Variants in LACC1 observed in about 807,000 individuals in gnomAD.
LACC1 encodes purine nucleoside phosphorylase LACC1.
In LACC1, 25 loss-of-function variants were observed where a neutral mutation model predicts 34.8. That is an observed-to-expected ratio of 0.72 (90% CI 0.52 to 1.00). The LOEUF (loss-of-function observed/expected upper bound fraction) is 1.00, where lower values mean the gene tolerates loss of function less well. LACC1 is among the 50% of genes least tolerant of loss of function. LACC1 has a pLI of 0.00. For synonymous variants in LACC1, 162 were observed against 168.0 expected (o/e 0.96, Z 0.28); for missense variants, 426 against 511.2 (o/e 0.83, Z 1.61).
intron 4 of LACC1, among the ~76,000 whole-genome samples, chr13:43,886,814 A>G (rs1404374026): frequency 1.3e-5 from 2 of 152,182 alleles, no homozygotes; most frequent in Non-Finnish European, 1.5e-5. Flanking sequence ...ATTGTATACT[A>G]CTTTTATCAG....
Position 43,890,262 on chromosome 13 carries a change from A to C in LACC1, c.1282A>C (p.Ile428Leu). ...TGGTACACAGATTGGCTTCATATCA[A>C]TTAAAGAATGAGGTACAGTAGGTTT... ...NFGTQIGFIS[I>L]KE Residue 428 changes from isoleucine (I) to leucine (L), a missense_variant, in exon 6 of 7, where the codon ATT becomes CTT. Physicochemically the swap from Ile to Leu is conservative, Grantham distance 5. Transcript: ENST00000325686. 2 of 1,613,194 alleles carry C rather than the reference A, an allele frequency of 1.2e-6. No individual in the cohort carries two copies. Among genetic ancestry groups the C allele is most frequent in the Non-Finnish European group, 1.7e-6 (2 of 1,179,634 alleles).
intron 2 of LACC1, among the ~76,000 whole-genome samples, 155 bp downstream of exon 2, chr13:43,881,702 G>T (rs1441695885): frequency 6.6e-6 from 1 of 152,064 alleles, no homozygotes; most frequent in South Asian, 2.1e-4. Context: ...GTCATGTTTG[G>T]CCCTGTAGTA....
chr13:43,884,667 C>T (rs73174269), intron 4 of LACC1, among the ~76,000 whole-genome samples: 8,587 of 151,758 alleles, frequency 0.057, 339 homozygotes, highest in Non-Finnish European at 0.087. Context: ...TTTAGATTAC[C>T]CCATAGCTGT....
chr13:43,882,097 G>A, intron 2 of LACC1, 88 bp from the exon 3 acceptor site: 2 of 935,910 alleles, frequency 2.1e-6, no homozygotes, highest in African/African-American at 1.6e-5. Flanking sequence ...AAATAACAAG[G>A]GCAGGTAGCA....
rs375629505 is a variant in LACC1, at chr13:43,888,607, C to T, written c.908-150C>T. On this transcript the variant is annotated intron_variant, in intron 4 of 6. Transcript: ENST00000325686. Reference sequence around the variant, plus strand: ...GTCAGGTGCTTTGTGTAGTATGGCTCATTTAAAAACCACATGATAATGTAA... The same window carrying T: ...GTCAGGTGCTTTGTGTAGTATGGCTTATTTAAAAACCACATGATAATGTAA... 1.4e-5 allele frequency: 9 copies of T among 642,270 alleles called. No individual in the cohort carries two copies. In the African/African-American group the frequency reaches 1.6e-4, roughly 12 times the overall value. 39.8% of individuals were successfully genotyped at this position (642,270 alleles called of 1,614,324 possible).
intron 5 of LACC1, 41 bp downstream of exon 5, chr13:43,889,023 G>C: frequency 1.3e-6 from 2 of 1,482,056 alleles, no homozygotes; most frequent in Non-Finnish European, 1.9e-6. Flanking sequence ...GATTATTTCT[G>C]ATTGTTCTAA....
intron 3 of LACC1, among the ~76,000 whole-genome samples, chr13:43,882,660 A>C (rs567147870): frequency 1.3e-5 from 2 of 151,354 alleles, no homozygotes; most frequent in Non-Finnish European, 2.9e-5. Flanking sequence ...GTGAAACGAC[A>C]TAATAAAACC....
intron 4 of LACC1, among the ~76,000 whole-genome samples, chr13:43,887,316 CACCTGAGTGCCT>C (rs1955378026): frequency 6.6e-6 from 1 of 152,178 alleles, no homozygotes. Context: ...TTGATCCCTT[CACCTGAGTGCCT>C]ACCTTTTGAA....
Position 43,888,985 on chromosome 13 carries a change from A to G in LACC1, c.1133+3A>G, listed in dbSNP as rs750356198. Reference sequence around the variant, plus strand: ...ATCGACATCCGTAAAGCCACAAGGTATGTCTGATTTCATTCAACTGCAAGT... The same window carrying G: ...ATCGACATCCGTAAAGCCACAAGGTGTGTCTGATTTCATTCAACTGCAAGT... On this transcript the variant is annotated splice_donor_region_variant and intron_variant, in intron 5 of 6. Transcript: ENST00000325686. 3 of 1,603,378 alleles carry G rather than the reference A, an allele frequency of 1.9e-6. No homozygotes were observed. Among genetic ancestry groups the G allele is most frequent in the Non-Finnish European group, 2.6e-6 (3 of 1,170,388 alleles).
chr13:43,887,882 C>G (rs954285743), intron 4 of LACC1, among the ~76,000 whole-genome samples: 4 of 152,244 alleles, frequency 2.6e-5, no homozygotes, highest in African/African-American at 9.6e-5. Flanking sequence ...CTATAGAAAA[C>G]AGTATGGCAA....
rs1955658852 is a variant in LACC1 at position 43,893,924 on chromosome 13, A to G, written c.*2477A>G. 6.6e-6 allele frequency: 1 copy of G among 152,042 alleles called. No individual in the cohort carries two copies. The highest frequency in any genetic ancestry group is 1.5e-5 in the Non-Finnish European group (1 of 67,816). The allele number at this position is 152,042 out of a possible 1,614,324, so 9.4% of individuals were successfully genotyped here. A position where few individuals can be genotyped will look rare whatever the true frequency, so the allele number is the denominator to read the frequency against. On this transcript the variant is annotated 3_prime_UTR_variant, in exon 7 of 7. Transcript: ENST00000325686. ...CTACAACCAAATAAAAATTATTTTGATTATCTGATTTTGGATTATCTCTGC... is the reference window on the plus strand; with the variant it reads ...CTACAACCAAATAAAAATTATTTTGGTTATCTGATTTTGGATTATCTCTGC...
upstream of LACC1, chr13:43,879,818 T>TGGGCGAGGTGAGGCG (rs1555394201): frequency 4.0e-5 from 1 of 24,770 alleles, no homozygotes; most frequent in Non-Finnish European, 1.5e-4. Context: ...CGGGGCGAGG[T>TGGGCGAGGTGAGGCG]GGGCGAGGTG....
Position 43,888,822 on chromosome 13 carries a change from T to A in LACC1, c.973T>A (p.Cys325Ser). ...GAATGCTATGATAGCAGAATATGGC[T>A]GCAGTTTGGAAGACATTGTTGTTGT... ...TVNAMIAEYG[C>S]SLEDIVVVLG... Residue 325 changes from cysteine to serine, a missense_variant, in exon 5 of 7, where the codon TGC (cysteine) becomes AGC (serine). Physicochemically the swap from Cys to Ser is moderately radical, Grantham distance 112. Transcript: ENST00000325686. 1.4e-5 allele frequency: 22 copies of A among 1,613,970 alleles called. No homozygotes were observed. The highest frequency in any genetic ancestry group is 1.9e-5 in the Non-Finnish European group (22 of 1,179,864).
Position 43,881,414 on chromosome 13 carries a change from T to C in LACC1, c.429T>C (p.Phe143=), listed in dbSNP as rs1477466337. The change falls in exon 2 of 7, where the codon TTT becomes TTC. Residue 143 remains phenylalanine, a synonymous_variant. Coordinates refer to ENST00000325686, the MANE Select transcript of LACC1 (RefSeq NM_153218.4). ...AAGTGACTTTTAGGGGAGGGCTTTT[T>C]AAACAGTCCATTGAAATAAACGTAA... ...DLQVTFRGGL[F]KQSIEINVIT... 1.2e-6 allele frequency: 2 copies of C among 1,614,010 alleles called. No homozygotes were observed. Among genetic ancestry groups the C allele is most frequent in the Non-Finnish European group, 8.5e-7 (1 of 1,180,008 alleles).
intron 4 of LACC1, among the ~76,000 whole-genome samples, chr13:43,887,898 C>CA (rs1566969029): frequency 6.6e-6 from 1 of 151,982 alleles, no homozygotes. Flanking sequence ...GGCAATTTCT[C>CA]AAAAAATTAT....
At chr13:43,887,158 A>G (rs915985037) in intron 4 of LACC1, among the ~76,000 whole-genome samples, 4 of 152,116 alleles carry the variant, frequency 2.6e-5, no homozygotes, top group African/African-American at 7.2e-5. Flanking sequence ...TCCTGTTTTA[A>G]TTATTGATAT....
intron 1 of LACC1, 81 bp from the exon 2 acceptor site, chr13:43,880,871 C>A: frequency 2.2e-6 from 2 of 907,858 alleles, no homozygotes; most frequent in South Asian, 3.8e-5. Flanking sequence ...GTAATTACTT[C>A]GTTTTTAATC....
intron 4 of LACC1, among the ~76,000 whole-genome samples, chr13:43,884,523 G>A (rs1417451336): frequency 1.3e-5 from 2 of 152,146 alleles, no homozygotes; most frequent in African/African-American, 4.8e-5. Context: ...AAGATGTTTT[G>A]AAAACTGTTT....
chr13:43,882,017 G>A (rs1437088812), intron 2 of LACC1, among the ~76,000 whole-genome samples, 168 bp from the exon 3 acceptor site: 1 of 152,170 alleles, frequency 6.6e-6, no homozygotes, highest in East Asian at 1.9e-4. Flanking sequence ...CATAGGGAGT[G>A]TAAAACAAAC....
Sources: allele counts gnomAD v4.1 joint callset (sites outside exome capture counted in the v4.1 genomes callset), GRCh38; gene constraint gnomAD v4.1.1; transcripts MANE v1.5; gene names NCBI Gene and HGNC (gene_info 2026-07-23, HGNC 2026-07-21).